Variants in SLC22A16 observed in about 807,000 individuals in gnomAD.
SLC22A16 encodes WUGSC:RG331P03.1.
Under a neutral mutation model 52.9 loss-of-function variants are expected in SLC22A16, and 53 were observed. The ratio of observed to expected loss-of-function variants is 1.00; its 90% CI spans 0.80 to 1.26. The LOEUF (loss-of-function observed/expected upper bound fraction) is 1.26, where lower values mean the gene tolerates loss of function less well. Ranked by LOEUF, SLC22A16 falls within the 50% of genes most tolerant of loss-of-function variation. The pLI is 0.00. For synonymous variants in SLC22A16, 291 were observed against 268.8 expected (o/e 1.08, Z -0.81); for missense variants, 726 against 704.0 (o/e 1.03, Z -0.35).
intron 7 of SLC22A16, among the ~76,000 whole-genome samples, chr6:110,429,809 T>A (rs751306252): frequency 6.6e-6 from 1 of 152,002 alleles, no homozygotes; most frequent in Non-Finnish European, 1.5e-5. Context: ...GCTGGCCTCC[T>A]GGAAAGCGGA....
intron 1 of SLC22A16, among the ~76,000 whole-genome samples, chr6:110,468,447 C>T (rs573905613): frequency 6.6e-6 from 1 of 152,050 alleles, no homozygotes; most frequent in Non-Finnish European, 1.5e-5. Context: ...GAGTTCAAGA[C>T]AAGCCTGGCC....
intron 4 of SLC22A16, among the ~76,000 whole-genome samples, chr6:110,440,674 G>A (rs1774929761): frequency 6.6e-6 from 1 of 152,134 alleles, no homozygotes; most frequent in Non-Finnish European, 1.5e-5. Flanking sequence ...TTATTCAGGA[G>A]GCTGAAACAG....
At chr6:110,434,989 A>G (rs1054271195) in intron 6 of SLC22A16, among the ~76,000 whole-genome samples, 8 of 152,098 alleles carry the variant, frequency 5.3e-5, no homozygotes, top group African/African-American at 1.9e-4. Context: ...AAAAAAGAAA[A>G]AAAAATCCCC....
At chr6:110,455,166 G>C (rs542913091) in intron 2 of SLC22A16, among the ~76,000 whole-genome samples, 1 of 148,660 alleles carries the variant, frequency 6.7e-6, no homozygotes, top group African/African-American at 2.5e-5. Flanking sequence ...TTTATTTTCA[G>C]TTAACATATT....
chr6:110,473,481 C>T (rs1776332922), intron 1 of SLC22A16, among the ~76,000 whole-genome samples: 1 of 96,404 alleles, frequency 1.0e-5, no homozygotes, highest in Non-Finnish European at 2.1e-5. Context: ...TCTCAGGTAT[C>T]CTGTTTTCCC....
At chr6:110,447,310 T>G (rs1775216167) in intron 2 of SLC22A16, among the ~76,000 whole-genome samples, 1 of 152,138 alleles carries the variant, frequency 6.6e-6, no homozygotes, top group South Asian at 2.1e-4. Flanking sequence ...TTTGGCTCTC[T>G]GTGGGATCAT....
chr6:110,457,513 T>C (rs1775710036), intron 1 of SLC22A16, among the ~76,000 whole-genome samples: 1 of 152,190 alleles, frequency 6.6e-6, no homozygotes. Context: ...AGCTGTTCCA[T>C]ATAATAAAAT....
At chr6:110,425,396 GAA>G in intron 7 of SLC22A16, 1 of 1,331,082 alleles carries the variant, frequency 7.5e-7, no homozygotes, top group Non-Finnish European at 9.9e-7. Flanking sequence ...TGGTCAGAAA[GAA>G]AAAAGACACT....
intron 7 of SLC22A16, among the ~76,000 whole-genome samples, chr6:110,426,798 A>G (rs756624971): frequency 2.6e-5 from 4 of 151,720 alleles, no homozygotes; most frequent in Non-Finnish European, 5.9e-5. Context: ...TAAAATTACA[A>G]AATTAGCCGG....
intron 1 of SLC22A16, among the ~76,000 whole-genome samples, chr6:110,458,608 G>A (rs114618584): frequency 0.015 from 2,254 of 152,318 alleles, 55 homozygotes; most frequent in African/African-American, 0.052. Context: ...CCAGATAGCT[G>A]GCAAAACATT....
chr6:110,440,794 G>A (rs760574923), intron 4 of SLC22A16, among the ~76,000 whole-genome samples: 2 of 152,104 alleles, frequency 1.3e-5, no homozygotes, highest in Non-Finnish European at 2.9e-5. Context: ...AAAAGTTAAT[G>A]GAAAGTGCAT....
intron 1 of SLC22A16, among the ~76,000 whole-genome samples, chr6:110,467,832 A>G (rs1776124249): frequency 6.6e-6 from 1 of 152,252 alleles, no homozygotes; most frequent in African/African-American, 2.4e-5. Flanking sequence ...CTATGCACAC[A>G]TTCATATATA....
In SLC22A16 at chr6:110,438,842, C is replaced by T; in HGVS notation, c.1189G>A (p.Val397Met). 6.2e-7 allele frequency: 1 copy of T among 1,613,956 alleles called. No individual in the cohort carries two copies. Among genetic ancestry groups the T allele is most frequent in the Non-Finnish European group, 8.5e-7 (1 of 1,179,902 alleles). The change falls in exon 5 of 8, where the codon GTG (valine) becomes ATG (methionine). Residue 397 changes from valine (V) to methionine (M), a missense_variant. Val to Met is a conservative substitution (Grantham distance 21, BLOSUM62 1). Coordinates refer to ENST00000368919, the MANE Select transcript of SLC22A16 (RefSeq NM_033125.4). ...ACGAAGGTGTAGGCGGGAATTTCCA[C>T]TACACCTGTCATTGAGCAAGCAGCC... Reference protein sequence around the residue: ...EYLNLFLLGVVEIPAYTFVCI... With the variant: ...EYLNLFLLGVMEIPAYTFVCI...
intron 3 of SLC22A16, among the ~76,000 whole-genome samples, 181 bp downstream of exon 3, chr6:110,446,692 C>T (rs1775186328): frequency 6.6e-6 from 1 of 152,204 alleles, no homozygotes; most frequent in Non-Finnish European, 1.5e-5. Flanking sequence ...CAATTTTTCA[C>T]TTTAATGAGT....
intron 7 of SLC22A16, among the ~76,000 whole-genome samples, chr6:110,429,963 G>A (rs1774429767): frequency 6.6e-6 from 1 of 152,048 alleles, no homozygotes; most frequent in Non-Finnish European, 1.5e-5. Context: ...GTCTGGAGAG[G>A]AGGGGAAGCT....
chr6:110,433,992 GC>G (rs1252865275), intron 6 of SLC22A16, among the ~76,000 whole-genome samples: 1 of 152,152 alleles, frequency 6.6e-6, no homozygotes, highest in Non-Finnish European at 1.5e-5. Flanking sequence ...TGTAATCCTA[GC>G]GCTTTGGGAG....
chr6:110,451,233 T>C (rs1294504137), intron 2 of SLC22A16, among the ~76,000 whole-genome samples: 1 of 152,200 alleles, frequency 6.6e-6, no homozygotes, highest in African/African-American at 2.4e-5. Context: ...CTGGGTTGTT[T>C]AGAGTGCAGG....
rs757579325 is a variant in SLC22A16, at chr6:110,442,674, T to A, written c.753A>T (p.Ala251=). 2 of 1,613,882 alleles carry A rather than the reference T, an allele frequency of 1.2e-6. No individual in the cohort carries two copies. The highest frequency in any genetic ancestry group is 1.7e-6 in the Non-Finnish European group (2 of 1,179,992). Residue 251 remains alanine, a synonymous_variant, in exon 4 of 8, where the codon GCA becomes GCT. Coordinates refer to ENST00000368919, the MANE Select transcript of SLC22A16 (RefSeq NM_033125.4). The stretch of plus-strand genomic sequence containing the variant: ...TCAAAGCCACCAGCAGGGTTCCAAC[T>A]GCAAAAAAGGAATGCAAATGGACAG... ...WASVHLHSFF[A]VGTLLVALTG...
At chr6:110,474,444 T>C (rs1386840742) in intron 1 of SLC22A16, among the ~76,000 whole-genome samples, 1 of 152,226 alleles carries the variant, frequency 6.6e-6, no homozygotes, top group Admixed American at 6.5e-5. Flanking sequence ...TGTGGTACTG[T>C]GTTGCAGTCA....
Sources: gnomAD v4.1 joint callset for allele counts (sites outside exome capture counted in the v4.1 genomes callset) on GRCh38, gnomAD v4.1.1 for gene constraint, MANE v1.5 for transcripts, NCBI Gene and HGNC (gene_info 2026-07-23, HGNC 2026-07-21) for gene names.